The following FRMD6 variants were observed in gnomAD, a reference collection of about 807,000 sequenced individuals.
The protein encoded by FRMD6 is FERM domain containing 6, also known as FERM domain-containing protein 6.
In FRMD6, 37 loss-of-function variants were observed where a neutral mutation model predicts 73.2. The observed-to-expected ratio is 0.51, with a 90% CI of 0.39 to 0.66. The LOEUF is 0.66. FRMD6 is among the 30% of genes least tolerant of loss of function. The pLI is 0.00. For synonymous variants in FRMD6, 273 were observed against 282.2 expected (o/e 0.97, Z 0.33); for missense variants, 714 against 780.5 (o/e 0.91, Z 1.02).
intron 1 of FRMD6, among the ~76,000 whole-genome samples, chr14:51,669,220 C>G (rs1289105028): frequency 6.6e-6 from 1 of 152,042 alleles, no homozygotes; most frequent in Non-Finnish European, 1.5e-5. Flanking sequence ...CATTTTCTTG[C>G]ACATATCAGT....
intron 2 of FRMD6, among the ~76,000 whole-genome samples, chr14:51,593,158 A>T (rs547802802): frequency 6.6e-6 from 1 of 152,236 alleles, no homozygotes; most frequent in East Asian, 1.9e-4. Context: ...AACTGATGGG[A>T]TGTTAACATA....
intron 1 of FRMD6, among the ~76,000 whole-genome samples, chr14:51,505,281 G>C (rs1211729171): frequency 6.6e-6 from 1 of 152,034 alleles, no homozygotes; most frequent in Non-Finnish European, 1.5e-5. Context: ...ATGTTGCCTA[G>C]GTTGGTCTCA....
At chr14:51,604,068 G>A (rs967902449) in intron 2 of FRMD6, among the ~76,000 whole-genome samples, 7 of 152,152 alleles carry the variant, frequency 4.6e-5, no homozygotes, top group African/African-American at 1.4e-4. Context: ...GGAAAATGGA[G>A]CAGTTCAGAA....
chr14:51,421,147 A>T, the FRMD6 span, among the ~76,000 whole-genome samples: 2 of 152,178 alleles, frequency 1.3e-5, no homozygotes, highest in Admixed American at 1.3e-4. Flanking sequence ...TCCCCTACAG[A>T]TACTGAGGGA....
the FRMD6 span, among the ~76,000 whole-genome samples, chr14:51,415,700 A>G: frequency 6.6e-6 from 1 of 152,120 alleles, no homozygotes; most frequent in African/African-American, 2.4e-5. Context: ...CTCTTTTTCT[A>G]TTGATTGGGA....
intron 4 of FRMD6, among the ~76,000 whole-genome samples, chr14:51,702,297 G>T (rs1345384255): frequency 6.6e-6 from 1 of 151,944 alleles, no homozygotes; most frequent in African/African-American, 2.4e-5. Flanking sequence ...GAAGGATGGT[G>T]CCCTGTTTCG....
At chr14:51,597,369 G>A (rs74054651) in intron 2 of FRMD6, among the ~76,000 whole-genome samples, 7,586 of 152,302 alleles carry the variant, frequency 0.05, 249 homozygotes, top group Middle Eastern at 0.11. Context: ...GCTCCCTGGA[G>A]GAGACAGCAT....
At chr14:51,548,741 T>C (rs1006211619) in intron 1 of FRMD6, among the ~76,000 whole-genome samples, 1 of 152,136 alleles carries the variant, frequency 6.6e-6, no homozygotes, top group Admixed American at 6.5e-5. Flanking sequence ...TGATGGTATA[T>C]TTACCCTGGA....
At chr14:51,426,565 C>G in the FRMD6 span, among the ~76,000 whole-genome samples, 1 of 152,134 alleles carries the variant, frequency 6.6e-6, no homozygotes, top group East Asian at 1.9e-4. Context: ...TACTCAATGC[C>G]TAGAAAATTT....
intron 12 of FRMD6, among the ~76,000 whole-genome samples, chr14:51,724,908 A>G (rs2140691586): frequency 6.6e-6 from 1 of 152,260 alleles, no homozygotes; most frequent in East Asian, 1.9e-4. Context: ...TATGCCAGTC[A>G]CATAGGGAAA....
chr14:51,549,780 A>C (rs1290881816), intron 1 of FRMD6, among the ~76,000 whole-genome samples: 1 of 151,646 alleles, frequency 6.6e-6, no homozygotes, highest in South Asian at 2.1e-4. Context: ...TATTTTTAGT[A>C]GAGACGGGGT....
At chr14:51,586,393 T>A (rs1248143252) in intron 2 of FRMD6, among the ~76,000 whole-genome samples, 2 of 152,176 alleles carry the variant, frequency 1.3e-5, no homozygotes, top group Non-Finnish European at 2.9e-5. Context: ...TTTTGAAAAA[T>A]GCCTGTTGAT....
At chr14:51,682,834 T>G (rs1894897005) in intron 1 of FRMD6, among the ~76,000 whole-genome samples, 1 of 152,180 alleles carries the variant, frequency 6.6e-6, no homozygotes. Flanking sequence ...GTTCAGCATT[T>G]AGACCAAGCA....
chr14:51,672,653 T>C (rs1157091273), intron 1 of FRMD6, among the ~76,000 whole-genome samples: 1 of 152,206 alleles, frequency 6.6e-6, no homozygotes. Context: ...TTTTTATCTT[T>C]TAATTCCATT....
the FRMD6 span, among the ~76,000 whole-genome samples, chr14:51,469,282 T>A: frequency 6.6e-6 from 1 of 151,238 alleles, no homozygotes; most frequent in African/African-American, 2.4e-5. Context: ...TTATTTATTT[T>A]TTATTGTTAA....
At chr14:51,674,708 C>T (rs940203455) in intron 1 of FRMD6, among the ~76,000 whole-genome samples, 7 of 152,028 alleles carry the variant, frequency 4.6e-5, no homozygotes, top group Non-Finnish European at 7.4e-5. Flanking sequence ...GTTTCCTTCC[C>T]CCACACCCTT....
At chr14:51,434,630 A>G in the FRMD6 span, among the ~76,000 whole-genome samples, 3 of 152,224 alleles carry the variant, frequency 2.0e-5, no homozygotes, top group Admixed American at 2.0e-4. Flanking sequence ...AATTATTTAA[A>G]TAAAAATTAT....
At chr14:51,503,986 C>T (rs1304857143) in intron 1 of FRMD6, among the ~76,000 whole-genome samples, 2 of 152,002 alleles carry the variant, frequency 1.3e-5, no homozygotes, top group Admixed American at 1.3e-4. Context: ...AGGAATGTAT[C>T]CACTTCTTCT....
At chr14:51,469,065 C>A in the FRMD6 span, among the ~76,000 whole-genome samples, 1 of 151,658 alleles carries the variant, frequency 6.6e-6, no homozygotes, top group Non-Finnish European at 1.5e-5. Flanking sequence ...CTCAGCCTCC[C>A]GAGTAGCTGG....
Sources: gnomAD v4.1 joint callset for allele counts (sites outside exome capture counted in the v4.1 genomes callset) on GRCh38, gnomAD v4.1.1 for gene constraint, MANE v1.5 for transcripts, NCBI Gene and HGNC (gene_info 2026-07-23, HGNC 2026-07-21) for gene names.